The following TMEM177 variants were observed in gnomAD, a reference collection of about 807,000 sequenced individuals.
TMEM177 encodes transmembrane protein 177.
A neutral mutation model predicts 14.2 loss-of-function variants in TMEM177; 4 were observed. The observed-to-expected ratio is 0.28, with a 90% CI of 0.14 to 0.64. The LOEUF is 0.64. Ranked by LOEUF, TMEM177 falls within the 30% of genes least tolerant of loss-of-function variation. The probability of loss-of-function intolerance (pLI) is 0.82; values close to 1 mark genes in which losing one functional copy is unlikely to be tolerated. For missense variants in TMEM177, 344 were observed against 405.2 expected (o/e 0.85, Z 1.30); for synonymous variants, 179 against 174.5 (o/e 1.03, Z -0.20).
chr2:119,693,536 C>A, the TMEM177 span, among the ~76,000 whole-genome samples: 3 of 152,126 alleles, frequency 2.0e-5, no homozygotes, highest in African/African-American at 4.8e-5. Flanking sequence ...CCACTCAGAC[C>A]GTCCACAGGC....
At chr2:119,693,942 G>A in the TMEM177 span, among the ~76,000 whole-genome samples, 70 of 6,920 alleles carry the variant, frequency 0.01, no homozygotes, top group African/African-American at 0.013. Context: ...CATCACACAA[G>A]CCACACACAC....
chr2:119,681,254 C>T lies in TMEM177; in HGVS notation c.401C>T (p.Pro134Leu), dbSNP rs772858087. The T allele has an allele frequency of 6.2e-7, 1 of 1,614,258 alleles. No homozygotes were observed. Among genetic ancestry groups the T allele is most frequent in the South Asian group, 1.1e-5 (1 of 91,086 alleles). Residue 134 changes from proline to leucine, a missense_variant, in exon 2 of 2, where the codon CCA becomes CTA. Transcript: ENST00000272521. ...GGGCATACAGTGGACTGGCGGAGCC[C>T]AGCAGGCGCCCGGCTGAGAGCTTCC... ...IHGHTVDWRS[P>L]AGARLRASLT...
chr2:119,712,405 A>T, the TMEM177 span, among the ~76,000 whole-genome samples: 1 of 151,960 alleles, frequency 6.6e-6, no homozygotes, highest in East Asian at 1.9e-4. Context: ...CCGTATTTGG[A>T]GGTAAGGCCT....
At chr2:119,691,137 G>GGCAAATCTGTGGGC (rs1689088022), downstream of TMEM177, among the ~76,000 whole-genome samples, 2 of 152,292 alleles carry the variant, frequency 1.3e-5, no homozygotes, top group East Asian at 3.9e-4. Context: ...CTTGCCGGGG[G>GGCAAATCTGTGGGC]GCAAATCTGT....
chr2:119,695,048 A>G, the TMEM177 span, among the ~76,000 whole-genome samples: 1 of 152,290 alleles, frequency 6.6e-6, no homozygotes, highest in East Asian at 1.9e-4. Context: ...TTTACAGCTC[A>G]GTGTCAGCGG....
chr2:119,717,266 G>T, the TMEM177 span, among the ~76,000 whole-genome samples: 13 of 151,862 alleles, frequency 8.6e-5, no homozygotes, highest in African/African-American at 2.9e-4. Flanking sequence ...GGAGGCAGAG[G>T]TTACAGTGAG....
chr2:119,691,596 G>A, the TMEM177 span, among the ~76,000 whole-genome samples: 1 of 152,134 alleles, frequency 6.6e-6, no homozygotes, highest in African/African-American at 2.4e-5. Context: ...GGCAGCAGTG[G>A]GCCACATCCA....
the TMEM177 span, among the ~76,000 whole-genome samples, chr2:119,698,028 G>A: frequency 6.6e-6 from 1 of 152,134 alleles, no homozygotes; most frequent in Non-Finnish European, 1.5e-5. Context: ...AATAGCCTGG[G>A]ATGAAGTTCC....
chr2:119,713,482 G>A, the TMEM177 span, among the ~76,000 whole-genome samples: 2 of 152,056 alleles, frequency 1.3e-5, no homozygotes, highest in African/African-American at 4.8e-5. Context: ...GCATTGTATC[G>A]TATTATATTC....
downstream of TMEM177, among the ~76,000 whole-genome samples, chr2:119,687,285 AC>A (rs1246209502): frequency 6.6e-6 from 1 of 152,208 alleles, no homozygotes; most frequent in African/African-American, 2.4e-5. Context: ...CCTACCAAGA[AC>A]CGTGTGAGCC....
chr2:119,721,090 T>C, the TMEM177 span, among the ~76,000 whole-genome samples: 3 of 152,206 alleles, frequency 2.0e-5, no homozygotes, highest in Non-Finnish European at 4.4e-5. Context: ...GTTTTTGTTA[T>C]TCATGAGCTC....
chr2:119,706,642 C>T, the TMEM177 span, among the ~76,000 whole-genome samples: 1 of 152,122 alleles, frequency 6.6e-6, no homozygotes, highest in Non-Finnish European at 1.5e-5. Flanking sequence ...TATTTACCTG[C>T]AAATAACACA....
At chr2:119,703,180 C>A in the TMEM177 span, among the ~76,000 whole-genome samples, 1 of 152,242 alleles carries the variant, frequency 6.6e-6, no homozygotes, top group South Asian at 2.1e-4. Flanking sequence ...CCTCAGCCCT[C>A]AGCCCTGGGC....
the TMEM177 span, among the ~76,000 whole-genome samples, chr2:119,705,300 G>C: frequency 6.6e-6 from 1 of 152,270 alleles, no homozygotes; most frequent in African/African-American, 2.4e-5. Context: ...GACTCACAAG[G>C]CTGCAATCAA....
the TMEM177 span, among the ~76,000 whole-genome samples, chr2:119,698,026 G>A: frequency 2.0e-5 from 3 of 152,128 alleles, no homozygotes; most frequent in Non-Finnish European, 2.9e-5. Flanking sequence ...ACAATAGCCT[G>A]GGATGAAGTT....
At chr2:119,717,990 C>T in the TMEM177 span, among the ~76,000 whole-genome samples, 3 of 151,776 alleles carry the variant, frequency 2.0e-5, no homozygotes, top group Non-Finnish European at 4.4e-5. Context: ...TCCTGCTTCC[C>T]GGTCCCTTCT....
chr2:119,696,831 C>T, the TMEM177 span, among the ~76,000 whole-genome samples: 1 of 145,920 alleles, frequency 6.9e-6, no homozygotes, highest in South Asian at 2.2e-4. Flanking sequence ...GTCGGGGAGG[C>T]AGGGAGAAGT....
intron 1 of TMEM177, among the ~76,000 whole-genome samples, chr2:119,680,392 G>A (rs1215387006): frequency 6.6e-6 from 1 of 152,192 alleles, no homozygotes; most frequent in African/African-American, 2.4e-5. Flanking sequence ...TCAGAACTGA[G>A]TCTAGCATAT....
the TMEM177 span, among the ~76,000 whole-genome samples, chr2:119,697,055 C>T: frequency 5.3e-5 from 8 of 152,298 alleles, no homozygotes; most frequent in Admixed American, 3.9e-4. Context: ...GGCTGACCAG[C>T]TGCAGGCTGG....
Sources: gnomAD v4.1 joint callset for allele counts (sites outside exome capture counted in the v4.1 genomes callset) on GRCh38, gnomAD v4.1.1 for gene constraint, MANE v1.5 for transcripts, NCBI Gene and HGNC (gene_info 2026-07-23, HGNC 2026-07-21) for gene names.